The following CELF2 variants were observed in gnomAD, a reference collection of about 807,000 sequenced individuals.
CELF2 encodes the protein CUGBP Elav-like family member 2.
In CELF2, 8 loss-of-function variants were observed where a neutral mutation model predicts 62.6. The observed-to-expected ratio is 0.13, with a 90% CI of 0.07 to 0.23. CELF2 has a LOEUF of 0.23. Ranked by LOEUF, CELF2 falls within the 10% of genes least tolerant of loss-of-function variation. The pLI is 1.00. For synonymous variants in CELF2, 258 were observed against 250.0 expected, an observed-to-expected ratio of 1.03 and a Z score of -0.30; for missense variants, 333 against 671.0, an observed-to-expected ratio of 0.50 and a Z score of 5.56.
chr10:10,770,810 A>C, the CELF2 span, among the ~76,000 whole-genome samples: 1 of 152,322 alleles, frequency 6.6e-6, no homozygotes, highest in Non-Finnish European at 1.5e-5. Context: ...TTAATGGATG[A>C]TGAATGCTTG....
intron 2 of CELF2, among the ~76,000 whole-genome samples, chr10:10,976,787 T>G (rs2051389912): frequency 6.6e-6 from 1 of 152,202 alleles, no homozygotes; most frequent in Non-Finnish European, 1.5e-5. Context: ...AGGGTCTGAC[T>G]TCCTGAAATT....
At chr10:10,858,156 A>G (rs561719788) in intron 1 of CELF2, among the ~76,000 whole-genome samples, 91 of 152,256 alleles carry the variant, frequency 6.0e-4, no homozygotes, top group African/African-American at 2.1e-3. Context: ...TGCTGAAATA[A>G]TGACTAAAAT....
At chr10:11,032,171 A>T (rs1029363239) in intron 1 of CELF2, among the ~76,000 whole-genome samples, 3 of 141,762 alleles carry the variant, frequency 2.1e-5, no homozygotes, top group Admixed American at 7.2e-5. Flanking sequence ...AAAAAAAAAA[A>T]TTGCTTCCAG....
the CELF2 span, among the ~76,000 whole-genome samples, chr10:10,534,539 A>C: frequency 6.6e-6 from 1 of 152,216 alleles, no homozygotes; most frequent in South Asian, 2.1e-4. Flanking sequence ...AGAAAGGATA[A>C]AGGGAGATAC....
At chr10:11,088,857 T>A (rs1458127831) in intron 1 of CELF2, among the ~76,000 whole-genome samples, 1 of 151,790 alleles carries the variant, frequency 6.6e-6, no homozygotes, top group African/African-American at 2.4e-5. Context: ...AGGACTGGAG[T>A]CATCTGGAGG....
chr10:11,261,537 G>A lies in CELF2; in HGVS notation c.538+3665G>A, dbSNP rs1050594135. Among the ~76,000 whole-genome samples, 3 of 151,684 alleles carry A rather than the reference G, an allele frequency of 2.0e-5. No homozygotes were observed. The South Asian group carries it at 6.3e-4, about 32-fold the overall frequency. ...CCAGGGCAGACACCCTCAGGAAATTGTCACGACTCTACGTGGAAAGCACCT... is the reference window on the plus strand; with the variant it reads ...CCAGGGCAGACACCCTCAGGAAATTATCACGACTCTACGTGGAAAGCACCT... On this transcript the variant is annotated intron_variant, in intron 5 of 12. Transcript: ENST00000633077.
intron 1 of CELF2, among the ~76,000 whole-genome samples, chr10:10,857,648 A>ATATATATATATATAT (rs1564727117): frequency 2.6e-5 from 1 of 38,814 alleles, no homozygotes; most frequent in Non-Finnish European, 4.6e-5. Context: ...ACATATATAT[A>ATATATATATATATAT]GTATATATAT....
At position 11,331,149 on chromosome 10, in the gene CELF2, C is replaced by CTGTT. The variant is rs1168457335; in HGVS notation, c.*2098_*2101dup. On this transcript the variant is annotated 3_prime_UTR_variant, in exon 13 of 13. Transcript: ENST00000633077. ...CACATGAAATTACCTATATTTTATACTGTTTCAATGTACAGGAGAAAGGTT... is the reference window on the plus strand; with the variant it reads ...CACATGAAATTACCTATATTTTATACTGTTTGTTTCAATGTACAGGAGAAAGGTT... 1 of 152,436 alleles carries CTGTT rather than the reference C, an allele frequency of 6.6e-6. No homozygotes were observed. The highest frequency in any genetic ancestry group is 6.5e-5 in the Admixed American group (1 of 15,270). The allele number at this position is 152,436 out of a possible 1,614,324, so 9.4% of individuals were successfully genotyped here.
the CELF2 span, among the ~76,000 whole-genome samples, chr10:10,781,807 C>T: frequency 1.3e-5 from 2 of 152,174 alleles, no homozygotes. Context: ...CAGAACATAT[C>T]CCCATTGTTA....
chr10:11,283,186 C>T (rs2089610882), intron 8 of CELF2, among the ~76,000 whole-genome samples: 2 of 152,320 alleles, frequency 1.3e-5, no homozygotes, highest in African/African-American at 2.4e-5. Flanking sequence ...AGCTTCTCAG[C>T]TGGGCTGTGC....
chr10:11,058,460 G>GTTTTTTTTTTTTT (rs1564557348), intron 1 of CELF2, among the ~76,000 whole-genome samples: 1 of 138,912 alleles, frequency 7.2e-6, no homozygotes, highest in Non-Finnish European at 1.5e-5. Context: ...TTTTTTTGTT[G>GTTTTTTTTTTTTT]GTTTTTTTTT....
chr10:10,565,783 T>C, the CELF2 span, among the ~76,000 whole-genome samples: 1 of 152,012 alleles, frequency 6.6e-6, no homozygotes, highest in Non-Finnish European at 1.5e-5. Flanking sequence ...TCATTAAAGA[T>C]GGAGCTACAT....
Position 10,919,767 on chromosome 10 carries a change from C to T in CELF2, c.54-197C>T, listed in dbSNP as rs974650751. 4.6e-5 allele frequency among the ~76,000 whole-genome samples: 7 copies of T among 152,210 alleles called. No individual in the cohort carries two copies. The East Asian group carries it at 7.7e-4, about 17-fold the overall frequency. ...ATATTTTGCATGTGTATAAAATTTC[C>T]GTTGAAAGTAACCATTGGAATGATC... On this transcript the variant is annotated intron_variant, in intron 1 of 13. Transcript: ENST00000636488.
At chr10:10,727,645 G>A in the CELF2 span, among the ~76,000 whole-genome samples, 5 of 151,984 alleles carry the variant, frequency 3.3e-5, no homozygotes, top group African/African-American at 1.2e-4. Flanking sequence ...GCGTGCTGGC[G>A]GGCACCTGTA....
chr10:10,749,050 C>T, the CELF2 span, among the ~76,000 whole-genome samples: 1 of 152,084 alleles, frequency 6.6e-6, no homozygotes, highest in African/African-American at 2.4e-5. Context: ...AGTATTTTTG[C>T]TTTACGGGAG....
Position 11,329,156 on chromosome 10 carries a change from A to G in CELF2, c.*103A>G. The G allele has an allele frequency of 8.0e-7, 1 of 1,246,902 alleles. No individual in the cohort carries two copies. The highest frequency in any genetic ancestry group is 1.7e-5 in the South Asian group (1 of 59,242). 77.2% of individuals were successfully genotyped at this position (1,246,902 alleles called of 1,614,324 possible). A position where few individuals can be genotyped will look rare whatever the true frequency, so the allele number is the denominator to read the frequency against. On this transcript the variant is annotated 3_prime_UTR_variant, in exon 13 of 13. Transcript: ENST00000633077. This position sits in a 1 kb window ranked among gnomAD's most constrained non-coding sequence, Gnocchi z 5.5. The stretch of plus-strand genomic sequence containing the variant: ...AAGGCAGAGGAGGACCACATTGCCA[A>G]CTTTTACCAAGAGAGACGGTTATTT...
the CELF2 span, among the ~76,000 whole-genome samples, chr10:10,678,864 G>T: frequency 6.6e-6 from 1 of 152,162 alleles, no homozygotes; most frequent in Non-Finnish European, 1.5e-5. Flanking sequence ...CACAAATGGG[G>T]TTTATGCTGC....
the CELF2 span, among the ~76,000 whole-genome samples, chr10:10,468,110 G>T: frequency 6.6e-6 from 1 of 152,054 alleles, no homozygotes. Flanking sequence ...GATGCCTAAT[G>T]ACTTTCCACT....
the CELF2 span, among the ~76,000 whole-genome samples, chr10:10,519,756 C>G: frequency 6.6e-6 from 1 of 152,156 alleles, no homozygotes; most frequent in South Asian, 2.1e-4. Flanking sequence ...TGAAGGTTGC[C>G]TTTACCTGCG....
Sources: allele counts gnomAD v4.1 joint callset (sites outside exome capture counted in the v4.1 genomes callset), GRCh38; gene constraint gnomAD v4.1.1; non-coding constraint Gnocchi (gnomAD v3.1); transcripts MANE v1.5; gene names NCBI Gene and HGNC (gene_info 2026-07-23, HGNC 2026-07-21).